SMIM14: variants seen among roughly 807,000 people sequenced by gnomAD.
The protein encoded by SMIM14 is small integral membrane protein 14.
A neutral mutation model predicts 12.6 loss-of-function variants in SMIM14; 5 were observed. That is an observed-to-expected ratio of 0.40 (90% confidence interval 0.21 to 0.83). The LOEUF (loss-of-function observed/expected upper bound fraction) is 0.83, where lower values mean the gene tolerates loss of function less well. SMIM14 is among the 40% of genes least tolerant of loss of function. The probability of loss-of-function intolerance (pLI) is 0.37; values close to 1 mark genes in which losing one functional copy is unlikely to be tolerated. For synonymous variants in SMIM14, 30 were observed against 40.1 expected, an observed-to-expected ratio of 0.75 and a Z score of 0.95; for missense variants, 86 against 119.1, an observed-to-expected ratio of 0.72 and a Z score of 1.29.
rs140572140 is a variant in SMIM14 at position 39,569,316 on chromosome 4, C to T, written c.124+3099G>A. Among the ~76,000 whole-genome samples the T allele has an allele frequency of 5.9e-5, 9 of 152,248 alleles. No homozygotes were observed. In the East Asian group the frequency reaches 1.7e-3, roughly 29 times the overall value. ...CTGCACTAGCTCCCACTTCTCTAAGCTGTTATATCTGTGGAATTTGATGGG... is the reference window on the plus strand; with the variant it reads ...CTGCACTAGCTCCCACTTCTCTAAGTTGTTATATCTGTGGAATTTGATGGG... On this transcript the variant is annotated intron_variant, in intron 3 of 4. Transcript: ENST00000295958.
At chr4:39,552,606 A>G (rs189117541) in intron 4 of SMIM14, among the ~76,000 whole-genome samples, 32 of 152,338 alleles carry the variant, frequency 2.1e-4, no homozygotes, top group African/African-American at 7.5e-4. Context: ...ACGAGGATGC[A>G]TGTGGCTGCA....
chr4:39,556,606 A>T (rs770749089), intron 3 of SMIM14, 36 bp from the exon 4 acceptor site: 1 of 1,541,932 alleles, frequency 6.5e-7, no homozygotes, highest in South Asian at 1.3e-5. Context: ...TGCTCACAAT[A>T]TTGTTAAAAG....
At chr4:39,567,143 GAAAAA>G (rs1168446466) in intron 3 of SMIM14, among the ~76,000 whole-genome samples, 1 of 72,092 alleles carries the variant, frequency 1.4e-5, no homozygotes, top group African/African-American at 4.9e-5. Flanking sequence ...CTCAAAAAAA[GAAAAA>G]AAAAAAAAAA....
At position 39,551,964 on chromosome 4, in the gene SMIM14, TA is replaced by T. The variant is rs1711735776; in HGVS notation, c.*161del. 4 of 476,330 alleles carry T rather than the reference TA, an allele frequency of 8.4e-6. No individual in the cohort carries two copies. Among genetic ancestry groups the T allele is most frequent in the Non-Finnish European group, 1.5e-5 (4 of 269,568 alleles). 29.5% of individuals were successfully genotyped at this position (476,330 alleles called of 1,614,324 possible). A position where few individuals can be genotyped will look rare whatever the true frequency, so the allele number is the denominator to read the frequency against. ...ATGGCAGTAACACAGGAAGCAAAAA[TA>T]AACTTGCAAGTGAAATTTCTAGAAG... On this transcript the variant is annotated 3_prime_UTR_variant, in exon 5 of 5. Transcript: ENST00000295958.
chr4:39,635,984 C>A (rs1249950511), intron 1 of SMIM14, among the ~76,000 whole-genome samples: 5 of 151,798 alleles, frequency 3.3e-5, no homozygotes, highest in Non-Finnish European at 7.4e-5. Flanking sequence ...ACCAGCCTGG[C>A]CAACATGGTG....
intron 4 of SMIM14, among the ~76,000 whole-genome samples, chr4:39,554,607 C>CAA (rs1201586206): frequency 1.1e-5 from 1 of 89,682 alleles, no homozygotes; most frequent in Admixed American, 1.3e-4. Flanking sequence ...GACTCCATCT[C>CAA]AAAAAAAAAA....
intron 2 of SMIM14, chr4:39,593,803 T>C (rs1259063121): frequency 1.3e-5 from 2 of 152,166 alleles, no homozygotes; most frequent in South Asian, 2.1e-4. Flanking sequence ...CCATTCACAG[T>C]TGCTTCAAAG....
At chr4:39,615,475 C>G (rs1015452603) in intron 1 of SMIM14, among the ~76,000 whole-genome samples, 1 of 152,026 alleles carries the variant, frequency 6.6e-6, no homozygotes, top group African/African-American at 2.4e-5. Flanking sequence ...TTGTCAAACC[C>G]CATAGGATGT....
chr4:39,615,276 T>C (rs1050118223), intron 1 of SMIM14, among the ~76,000 whole-genome samples: 3 of 152,022 alleles, frequency 2.0e-5, no homozygotes, highest in Admixed American at 1.3e-4. Flanking sequence ...GGGTGAGGAG[T>C]ATACTGTAAC....
chr4:39,627,018 A>G (rs1715728747), intron 1 of SMIM14, among the ~76,000 whole-genome samples: 1 of 152,178 alleles, frequency 6.6e-6, no homozygotes, highest in Admixed American at 6.5e-5. Context: ...TCTGGAGGCT[A>G]GGAAGTCCAA....
At chr4:39,578,266 G>A (rs994243399) in intron 2 of SMIM14, among the ~76,000 whole-genome samples, 1 of 152,094 alleles carries the variant, frequency 6.6e-6, no homozygotes, top group African/African-American at 2.4e-5. Context: ...TCCCGCCCCA[G>A]GCTCCCAAGT....
At chr4:39,625,651 G>A (rs1004714266) in intron 1 of SMIM14, among the ~76,000 whole-genome samples, 3 of 152,128 alleles carry the variant, frequency 2.0e-5, no homozygotes, top group African/African-American at 7.2e-5. Flanking sequence ...ATGTTGGTCA[G>A]GCTGGTCTCA....
chr4:39,576,056 G>A (rs1361383551), intron 2 of SMIM14, among the ~76,000 whole-genome samples: 4 of 151,034 alleles, frequency 2.6e-5, no homozygotes, highest in Non-Finnish European at 4.4e-5. Flanking sequence ...ACCATGCCTG[G>A]CTAATTTTTG....
chr4:39,619,876 A>ATATTTT (rs71192884), intron 1 of SMIM14, among the ~76,000 whole-genome samples: 4 of 115,868 alleles, frequency 3.5e-5, no homozygotes, highest in African/African-American at 1.4e-4. Flanking sequence ...ATATATATAT[A>ATATTTT]TTTTTTTTTT....
chr4:39,592,877 C>T (rs1169226348), intron 2 of SMIM14: 1 of 152,120 alleles, frequency 6.6e-6, no homozygotes, highest in Non-Finnish European at 1.5e-5. Context: ...TCTGAATAGA[C>T]CAATAACAGG....
chr4:39,627,526 ATT>A (rs1329035820), intron 1 of SMIM14, among the ~76,000 whole-genome samples: 1 of 152,208 alleles, frequency 6.6e-6, no homozygotes, highest in Non-Finnish European at 1.5e-5. Flanking sequence ...GAAACTATTC[ATT>A]TTAAACAGTT....
At chr4:39,587,529 A>T (rs1319110982) in intron 2 of SMIM14, among the ~76,000 whole-genome samples, 1 of 150,982 alleles carries the variant, frequency 6.6e-6, no homozygotes, top group Admixed American at 6.6e-5. Context: ...AAATTCTAGA[A>T]AGATGTGTGT....
intron 1 of SMIM14, among the ~76,000 whole-genome samples, chr4:39,616,652 AAAAAG>A (rs1365848286): frequency 1.3e-5 from 2 of 151,344 alleles, no homozygotes; most frequent in Non-Finnish European, 2.9e-5. Flanking sequence ...AAAAAAAAAA[AAAAAG>A]AAAAGAAAAA....
At chr4:39,576,684 A>T (rs10527433) in intron 2 of SMIM14, among the ~76,000 whole-genome samples, 3 of 25,552 alleles carry the variant, frequency 1.2e-4, no homozygotes, top group African/African-American at 4.6e-4. Flanking sequence ...ATATATATAT[A>T]TTTTTTTTTT....
Sources: gnomAD v4.1 joint callset for allele counts (sites outside exome capture counted in the v4.1 genomes callset) on GRCh38, gnomAD v4.1.1 for gene constraint, MANE v1.5 for transcripts, NCBI Gene and HGNC (gene_info 2026-07-23, HGNC 2026-07-21) for gene names.